Variants in STK39 observed in about 807,000 individuals in gnomAD.
STK39 encodes serine/threonine kinase 39, also known as STE20/SPS1-related proline-alanine-rich protein kinase.
A neutral mutation model predicts 77.8 loss-of-function variants in STK39; 20 were observed. That is an observed-to-expected ratio of 0.26 (90% confidence interval 0.18 to 0.37). The LOEUF is 0.37. Among genes scored for constraint, STK39 ranks in the 10% least tolerant of loss-of-function variants. STK39 has a pLI of 1.00. For missense variants in STK39, 479 were observed against 656.5 expected (o/e 0.73, Z 2.95); for synonymous variants, 246 against 234.1 (o/e 1.05, Z -0.47).
chr2:168,231,162 C>A (rs1184587457), intron 1 of STK39, among the ~76,000 whole-genome samples: 2 of 152,222 alleles, frequency 1.3e-5, no homozygotes, highest in Non-Finnish European at 2.9e-5. Context: ...ACAGCACTGT[C>A]ATGCTAAAGA....
At chr2:168,229,383 T>TG (rs1690389730) in intron 1 of STK39, among the ~76,000 whole-genome samples, 1 of 104,826 alleles carries the variant, frequency 9.5e-6, no homozygotes, top group Non-Finnish European at 2.1e-5. Context: ...AGACTCTGAC[T>TG]CAAAAAAAAA....
chr2:168,208,391 T>C (rs572323984), intron 1 of STK39, among the ~76,000 whole-genome samples: 1 of 152,312 alleles, frequency 6.6e-6, no homozygotes, highest in African/African-American at 2.4e-5. Context: ...ACAGAAACTT[T>C]CTGACTTTTC....
chr2:168,069,618 G>C (rs1685887433), intron 12 of STK39, among the ~76,000 whole-genome samples: 1 of 152,202 alleles, frequency 6.6e-6, no homozygotes, highest in African/African-American at 2.4e-5. Flanking sequence ...GGAATTTTGA[G>C]CACACCAGCT....
At chr2:167,992,161 G>T (rs1178280815) in intron 16 of STK39, among the ~76,000 whole-genome samples, 1 of 152,076 alleles carries the variant, frequency 6.6e-6, no homozygotes, top group Non-Finnish European at 1.5e-5. Context: ...GAGAAGAGGG[G>T]ACAGAATTTT....
intron 1 of STK39, among the ~76,000 whole-genome samples, chr2:168,226,198 C>A (rs967812475): frequency 4.6e-5 from 7 of 152,248 alleles, no homozygotes; most frequent in African/African-American, 1.7e-4. Context: ...GTTAGAGGAT[C>A]CAGAATAGTG....
intron 13 of STK39, 60 bp downstream of exon 13, chr2:168,065,259 G>T: frequency 6.3e-7 from 1 of 1,580,118 alleles, no homozygotes; most frequent in Non-Finnish European, 8.7e-7. Flanking sequence ...TAAAATGTTG[G>T]TTTTTTAAAG....
At chr2:168,169,979 T>C (rs1688783376) in intron 2 of STK39, among the ~76,000 whole-genome samples, 1 of 152,172 alleles carries the variant, frequency 6.6e-6, no homozygotes, top group Non-Finnish European at 1.5e-5. Flanking sequence ...TCCTGCACCA[T>C]CCATTGTCCT....
Position 167,982,098 on chromosome 2 carries a change from G to C in STK39, c.1499-17372C>G, listed in dbSNP as rs376924546. Among the ~76,000 whole-genome samples the C allele has an allele frequency of 2.6e-5, 4 of 152,168 alleles. No individual in the cohort carries two copies. The East Asian group carries it at 7.7e-4, about 29-fold the overall frequency. ...GGTTAGTAAACATCAAATCTGTATA[G>C]AAAGTCTGACCAGTCCTGCCACAGG... On this transcript the variant is annotated intron_variant, in intron 16 of 17. Transcript: ENST00000355999.
intron 17 of STK39, among the ~76,000 whole-genome samples, chr2:167,962,249 G>C (rs1326573480): frequency 6.6e-6 from 1 of 152,180 alleles, no homozygotes; most frequent in Non-Finnish European, 1.5e-5. Context: ...GAAATACTTT[G>C]ATCTTTTATT....
At chr2:168,050,126 T>C (rs1282447972) in intron 14 of STK39, among the ~76,000 whole-genome samples, 2 of 152,206 alleles carry the variant, frequency 1.3e-5, no homozygotes, top group African/African-American at 4.8e-5. Context: ...TTTGTAACAT[T>C]TGGCATACAC....
chr2:168,075,598 G>A (rs1213219389), intron 10 of STK39, among the ~76,000 whole-genome samples: 6 of 151,862 alleles, frequency 4.0e-5, no homozygotes, highest in Admixed American at 4.0e-4. Context: ...AATTGCCTAA[G>A]GAAGCGCATG....
chr2:167,972,484 T>G (rs944097743), intron 16 of STK39, among the ~76,000 whole-genome samples: 1 of 152,138 alleles, frequency 6.6e-6, no homozygotes, highest in Admixed American at 6.5e-5. Flanking sequence ...TGCTTTCTCT[T>G]TTCACAATGG....
chr2:168,247,322 T>TGCCGGGGCCGGCGCTGCTGTCGCGGCC lies in STK39; in HGVS notation c.87_113dup (p.Ala31_Ala39dup), dbSNP rs1690951922. On this transcript the variant is annotated inframe_insertion, in exon 1 of 18. Coordinates refer to ENST00000355999, the MANE Select transcript of STK39 (RefSeq NM_013233.3). ...GGGCCGGGGCCGGGGCCGCGGGAGC[T>TGCCGGGGCCGGCGCTGCTGTCGCGGCC]GCCGGGGCCGGCGCTGCTGTCGCGG... 2 of 674,692 alleles carry TGCCGGGGCCGGCGCTGCTGTCGCGGCC rather than the reference T, an allele frequency of 3.0e-6. No individual in the cohort carries two copies. Among genetic ancestry groups the TGCCGGGGCCGGCGCTGCTGTCGCGGCC allele is most frequent in the Non-Finnish European group, 3.8e-6 (2 of 527,644 alleles). 41.8% of individuals were successfully genotyped at this position (674,692 alleles called of 1,614,324 possible).
intron 5 of STK39, among the ~76,000 whole-genome samples, chr2:168,152,875 C>T (rs2105562281): frequency 6.6e-6 from 1 of 152,280 alleles, no homozygotes; most frequent in South Asian, 2.1e-4. Context: ...ATTCATATAC[C>T]TGCAGGTGAT....
chr2:167,984,562 C>T lies in STK39; in HGVS notation c.1499-19836G>A, dbSNP rs146448387. Among the ~76,000 whole-genome samples, 37 of 152,258 alleles carry T rather than the reference C, an allele frequency of 2.4e-4. No homozygotes were observed. The East Asian group carries it at 6.9e-3, about 29-fold the overall frequency. ...AGAGGCCAATCATCTAGGCCTTATC[C>T]ACCTAAAAGCACAGACATTCTATCA... On this transcript the variant is annotated intron_variant, in intron 16 of 17. Transcript: ENST00000355999.
At chr2:168,157,080 C>T (rs3769393) in intron 5 of STK39, among the ~76,000 whole-genome samples, 33,510 of 152,150 alleles carry the variant, frequency 0.22, 4,066 homozygotes, top group East Asian at 0.48. Flanking sequence ...ATGGATAACG[C>T]CTAAGTGACA....
chr2:168,238,004 C>T (rs991729903), intron 1 of STK39, among the ~76,000 whole-genome samples: 4 of 152,168 alleles, frequency 2.6e-5, no homozygotes, highest in African/African-American at 9.7e-5. Flanking sequence ...ATCTAAGCTA[C>T]ACAGGATAGG....
At chr2:168,195,813 T>G (rs1202591572) in intron 1 of STK39, among the ~76,000 whole-genome samples, 1 of 152,138 alleles carries the variant, frequency 6.6e-6, no homozygotes, top group Non-Finnish European at 1.5e-5. Flanking sequence ...GGTCAAGAGT[T>G]CAAGACCAGC....
At chr2:167,988,915 G>A (rs370078155) in intron 16 of STK39, among the ~76,000 whole-genome samples, 9 of 152,196 alleles carry the variant, frequency 5.9e-5, no homozygotes, top group East Asian at 1.9e-4. Context: ...ATGATAGATC[G>A]AGAGCAATCA....
Sources: gnomAD v4.1 joint callset for allele counts (sites outside exome capture counted in the v4.1 genomes callset) on GRCh38, gnomAD v4.1.1 for gene constraint, MANE v1.5 for transcripts, NCBI Gene and HGNC (gene_info 2026-07-23, HGNC 2026-07-21) for gene names.